The following ADAMTS6 variants were observed in gnomAD, a reference collection of about 807,000 sequenced individuals.
ADAMTS6 encodes the protein A disintegrin and metalloproteinase with thrombospondin motifs 6.
Under a neutral mutation model 144.3 loss-of-function variants are expected in ADAMTS6, and 23 were observed. The ratio of observed to expected loss-of-function variants is 0.16; its 90% CI spans 0.11 to 0.23. ADAMTS6 has a LOEUF of 0.23. Ranked by LOEUF, ADAMTS6 falls within the 10% of genes least tolerant of loss-of-function variation. ADAMTS6 has a pLI of 1.00. For missense variants in ADAMTS6, 999 were observed against 1,379.6 expected, an observed-to-expected ratio of 0.72 and a Z score of 4.37; for synonymous variants, 444 against 457.5, an observed-to-expected ratio of 0.97 and a Z score of 0.38.
intron 14 of ADAMTS6, among the ~76,000 whole-genome samples, chr5:65,256,781 T>A (rs1760694659): frequency 6.6e-6 from 1 of 152,050 alleles, no homozygotes; most frequent in Non-Finnish European, 1.5e-5. Flanking sequence ...TGGAATGAGT[T>A]GGGAATTGAG....
intron 7 of ADAMTS6, among the ~76,000 whole-genome samples, chr5:65,387,831 A>G (rs1385704031): frequency 1.3e-5 from 2 of 152,232 alleles, no homozygotes; most frequent in Non-Finnish European, 2.9e-5. Context: ...GAATTGAAAC[A>G]ACAGTGAACT....
At chr5:65,189,226 G>C (rs781408295) in intron 21 of ADAMTS6, among the ~76,000 whole-genome samples, 2 of 152,076 alleles carry the variant, frequency 1.3e-5, no homozygotes, top group Non-Finnish European at 2.9e-5. Context: ...GGGGGTTTGT[G>C]GTTTGTTTTG....
At chr5:65,277,070 G>A (rs1361420061) in intron 11 of ADAMTS6, among the ~76,000 whole-genome samples, 1 of 152,128 alleles carries the variant, frequency 6.6e-6, no homozygotes, top group Non-Finnish European at 1.5e-5. Context: ...TTGAGTTTAA[G>A]GAAGGAGAGA....
intron 14 of ADAMTS6, among the ~76,000 whole-genome samples, chr5:65,243,648 GGTCT>G (rs1759389227): frequency 1.3e-5 from 2 of 151,936 alleles, no homozygotes; most frequent in African/African-American, 4.8e-5. Context: ...ATGTTTTCAG[GGTCT>G]TTTTTTTCCT....
chr5:65,248,857 C>A (rs1170463779), intron 14 of ADAMTS6, among the ~76,000 whole-genome samples: 1 of 152,080 alleles, frequency 6.6e-6, no homozygotes, highest in African/African-American at 2.4e-5. Context: ...AATAAACAAA[C>A]AAGCTCTATT....
At chr5:65,399,022 C>T (rs770933075) in intron 7 of ADAMTS6, among the ~76,000 whole-genome samples, 4 of 151,884 alleles carry the variant, frequency 2.6e-5, no homozygotes, top group African/African-American at 9.7e-5. Context: ...CTTGGGAGGC[C>T]GAGGTGGATG....
At position 65,442,606 on chromosome 5, in the gene ADAMTS6, G is replaced by T. The variant is rs187431791; in HGVS notation, c.1073+8869C>A. Among the ~76,000 whole-genome samples the T allele has an allele frequency of 2.0e-3, 297 of 151,824 alleles. No individual in the cohort carries two copies. In the Middle Eastern group the frequency reaches 0.02, roughly 10 times the overall value. On this transcript the variant is annotated intron_variant, in intron 7 of 24. Coordinates refer to ENST00000381055, the MANE Select transcript of ADAMTS6 (RefSeq NM_197941.4). ...AAATACAGTCTAAGAAAAAACTACA[G>T]AACAACATCCCTCATAAATATAAAT...
chr5:65,460,347 A>G lies in ADAMTS6; in HGVS notation c.463-9T>C. 6.3e-7 allele frequency: 1 copy of G among 1,581,060 alleles called. No homozygotes were observed. Reference sequence around the variant, plus strand: ...GTAGCAATAACACCATGCTAAAAGAAAAATAAACAAAGAACTTACCAAAGA... The same window carrying G: ...GTAGCAATAACACCATGCTAAAAGAGAAATAAACAAAGAACTTACCAAAGA... On this transcript the variant is annotated splice_polypyrimidine_tract_variant and intron_variant, in intron 3 of 24. Transcript: ENST00000381055.
At chr5:65,370,590 C>A (rs534321483) in intron 7 of ADAMTS6, among the ~76,000 whole-genome samples, 1 of 152,220 alleles carries the variant, frequency 6.6e-6, no homozygotes, top group African/African-American at 2.4e-5. Context: ...TGGCGCACCA[C>A]GAGATTATAT....
rs536553933 is a variant in ADAMTS6 at position 65,469,331 on chromosome 5, T to C, written c.462+1447A>G. ...ATCACTCTTCTCTCAAATCCCACAA[T>C]GGAATTAGTTTTGTTCTTGAATGTG... On this transcript the variant is annotated intron_variant, in intron 3 of 24. Coordinates refer to ENST00000381055, the MANE Select transcript of ADAMTS6 (RefSeq NM_197941.4). Among the ~76,000 whole-genome samples the C allele has an allele frequency of 5.3e-5, 8 of 152,280 alleles. No homozygotes were observed. In the South Asian group the frequency reaches 1.7e-3, roughly 32 times the overall value.
intron 7 of ADAMTS6, among the ~76,000 whole-genome samples, chr5:65,432,837 G>A (rs1757098841): frequency 6.6e-6 from 1 of 151,988 alleles, no homozygotes; most frequent in Non-Finnish European, 1.5e-5. Flanking sequence ...CTCAAACCCA[G>A]TAAGCTCATT....
rs1054150792 is a variant in ADAMTS6, at chr5:65,170,493, C to T, written c.3244+124G>A. ...TTCCTGATTGCTGTCTGCATATAAG[C>T]AGCTTTCACAAATGCTCTACTCAAA... On this transcript the variant is annotated intron_variant, in intron 24 of 24. Coordinates refer to ENST00000381055, the MANE Select transcript of ADAMTS6 (RefSeq NM_197941.4). The T allele has an allele frequency of 1.4e-5, 15 of 1,089,206 alleles. No homozygotes were observed. In the Admixed American group the frequency reaches 1.4e-4, roughly 10 times the overall value. The allele number at this position is 1,089,206 out of a possible 1,614,324, so 67.5% of individuals were successfully genotyped here. A position where few individuals can be genotyped will look rare whatever the true frequency, so the allele number is the denominator to read the frequency against.
At chr5:65,197,716 G>A (rs1050423703) in intron 20 of ADAMTS6, among the ~76,000 whole-genome samples, 22 of 152,036 alleles carry the variant, frequency 1.4e-4, no homozygotes, top group African/African-American at 4.8e-4. Context: ...AGATTGCAGT[G>A]GGCCTCTTTT....
chr5:65,371,064 C>A (rs1263023203), intron 7 of ADAMTS6, among the ~76,000 whole-genome samples: 1 of 152,134 alleles, frequency 6.6e-6, no homozygotes, highest in South Asian at 2.1e-4. Flanking sequence ...GCTGAGTGTC[C>A]TGTCTGTTAG....
chr5:65,377,016 T>C (rs771610926), intron 7 of ADAMTS6, among the ~76,000 whole-genome samples: 12 of 151,998 alleles, frequency 7.9e-5, no homozygotes, highest in Admixed American at 5.9e-4. Context: ...GGAAGACTTA[T>C]ATATATATAA....
In ADAMTS6 at chr5:65,214,447, T is replaced by G; in HGVS notation, c.2575+347A>C. 2.7e-6 allele frequency: 1 copy of G among 366,728 alleles called. No individual in the cohort carries two copies. Among genetic ancestry groups the G allele is most frequent in the Non-Finnish European group, 5.2e-6 (1 of 190,624 alleles). The allele number at this position is 366,728 out of a possible 1,614,324, so 22.7% of individuals were successfully genotyped here. The stretch of plus-strand genomic sequence containing the variant: ...ATTACAAGAAGTTGCATCTGTGATG[T>G]CTGATTCTTGCTCATTTTCTTTTTT... On this transcript the variant is annotated intron_variant, in intron 20 of 24. Coordinates refer to ENST00000381055, the MANE Select transcript of ADAMTS6 (RefSeq NM_197941.4). The surrounding 1 kb of genome is among the most constrained non-coding windows in gnomAD (Gnocchi z 4.6).
At chr5:65,231,015 T>C (rs867456939) in intron 15 of ADAMTS6, among the ~76,000 whole-genome samples, 1 of 150,542 alleles carries the variant, frequency 6.6e-6, no homozygotes, top group Non-Finnish European at 1.5e-5. Context: ...ATTGACAAGA[T>C]ATAACTAGTA....
rs1009998731 is a variant in ADAMTS6 at position 65,150,164 on chromosome 5, T to C, written c.*1672A>G. On this transcript the variant is annotated 3_prime_UTR_variant, in exon 25 of 25. Transcript: ENST00000381055. Reference sequence around the variant, plus strand: ...GACATGTAATTTAAGAGCACCATGATGGAATCAAGTCAAACATGCTGTTTA... The same window carrying C: ...GACATGTAATTTAAGAGCACCATGACGGAATCAAGTCAAACATGCTGTTTA... 1.3e-5 allele frequency: 2 copies of C among 152,514 alleles called. No homozygotes were observed. The highest frequency in any genetic ancestry group is 4.8e-5 in the African/African-American group (2 of 41,458). 9.4% of individuals were successfully genotyped at this position (152,514 alleles called of 1,614,324 possible).
At chr5:65,312,862 T>A (rs1477925284) in intron 9 of ADAMTS6, among the ~76,000 whole-genome samples, 1 of 151,892 alleles carries the variant, frequency 6.6e-6, no homozygotes, top group Non-Finnish European at 1.5e-5. Context: ...TGTATGTGTG[T>A]GGGGGTATAT....
Sources: gnomAD v4.1 joint callset for allele counts (sites outside exome capture counted in the v4.1 genomes callset) on GRCh38, gnomAD v4.1.1 for gene constraint, Gnocchi (gnomAD v3.1) non-coding constraint, MANE v1.5 for transcripts, NCBI Gene and HGNC (gene_info 2026-07-23, HGNC 2026-07-21) for gene names.